Variants in DMXL2 observed in about 807,000 individuals in gnomAD.
The protein encoded by DMXL2 is Dmx like 2, also known as dmX-like protein 2.
A neutral mutation model predicts 331.1 loss-of-function variants in DMXL2; 103 were observed. The observed-to-expected ratio is 0.31, with a 90% CI of 0.27 to 0.37. The LOEUF is 0.37. DMXL2 is among the 10% of genes least tolerant of loss of function. The probability of loss-of-function intolerance (pLI) is 1.00; values close to 1 mark genes in which losing one functional copy is unlikely to be tolerated. For missense variants in DMXL2, 3,171 were observed against 3,642.9 expected (o/e 0.87, Z 3.33); for synonymous variants, 1,281 against 1,252.1 (o/e 1.02, Z -0.49).
At position 51,622,719 on chromosome 15, in the gene DMXL2, T is replaced by G. The variant is rs181268091; in HGVS notation, c.-174A>C. The G allele has an allele frequency of 4.6e-6, 6 of 1,292,316 alleles. No homozygotes were observed. The highest frequency in any genetic ancestry group is 6.1e-6 in the Non-Finnish European group (6 of 976,844). The allele number at this position is 1,292,316 out of a possible 1,614,324, so 80.1% of individuals were successfully genotyped here. ...CCTTCCCTCCGCCTCGTCCCTGCCA[T>G]GGGAGCTCCTCGACCGCCGCCGCCG... On this transcript the variant is annotated 5_prime_UTR_variant, in exon 1 of 44. It removes an upstream start codon present in the reference 5' UTR. Coordinates refer to ENST00000560891, the MANE Select transcript of DMXL2 (RefSeq NM_001378457.1).
Position 51,474,509 on chromosome 15 carries a change from C to T in DMXL2, c.7048G>A (p.Val2350Ile), listed in dbSNP as rs1049364072. 6.2e-6 allele frequency: 10 copies of T among 1,614,120 alleles called. No homozygotes were observed. Among genetic ancestry groups the T allele is most frequent in the Non-Finnish European group, 6.8e-6 (8 of 1,180,010 alleles). Residue 2350 changes from valine to isoleucine, a missense_variant, in exon 28 of 44, where the codon GTT becomes ATT. Around this residue, in one of 7 missense-constraint regions of DMXL2, gnomAD observed 766 missense variants for 940.5 expected, o/e 0.81. Transcript: ENST00000560891. ...ATCAATAAACTTAAGTAAACAGCAA[C>T]AACAGCTTCACATAGCAAAATGTTC... ...KLNILLCEAV[V>I]AVYLSLLIHA...
intron 20 of DMXL2, 118 bp downstream of exon 20, chr15:51,491,459 TC>T (rs1450819595): frequency 1.0e-6 from 1 of 989,208 alleles, no homozygotes; most frequent in Admixed American, 2.9e-5. Flanking sequence ...AAAAAAATTC[TC>T]AAGACCTCAA....
chr15:51,480,040 G>C lies in DMXL2; in HGVS notation c.6664C>G (p.Pro2222Ala). The C allele has an allele frequency of 6.2e-7, 1 of 1,603,258 alleles. No homozygotes were observed. Reference sequence around the variant, plus strand: ...ATGTGATTATTTAAGTACAATACAGGATTAGCTATGACTGTTTTTGTTGAC... The same window carrying C: ...ATGTGATTATTTAAGTACAATACAGCATTAGCTATGACTGTTTTTGTTGAC... Reference protein sequence around the residue: ...IASTKTVIANPVLYLNNHIHD... With the variant: ...IASTKTVIANAVLYLNNHIHD... The change falls in exon 25 of 44, where the codon CCT becomes GCT. Residue 2222 changes from proline (P) to alanine (A), a missense_variant. By Grantham distance (27) the Pro-to-Ala change is conservative. Around this residue, in one of 7 missense-constraint regions of DMXL2, gnomAD observed 197 missense variants for 196.2 expected, o/e 1.00. Transcript: ENST00000560891.
chr15:51,449,758 A>G (rs1252865716), intron 43 of DMXL2, among the ~76,000 whole-genome samples: 1 of 152,188 alleles, frequency 6.6e-6, no homozygotes, highest in Non-Finnish European at 1.5e-5. Context: ...CATCTGCACT[A>G]GCTCACTTAC....
At chr15:51,602,430 T>C (rs1459410673) in intron 1 of DMXL2, among the ~76,000 whole-genome samples, 1 of 152,142 alleles carries the variant, frequency 6.6e-6, no homozygotes, top group African/African-American at 2.4e-5. Flanking sequence ...TGGATCCACG[T>C]TGCTCTTTTT....
At chr15:51,546,514 A>T (rs1314532818) in intron 7 of DMXL2, among the ~76,000 whole-genome samples, 5 of 152,124 alleles carry the variant, frequency 3.3e-5, no homozygotes, top group African/African-American at 1.2e-4. Flanking sequence ...TATATTTAGT[A>T]GGTAAAATAA....
rs879135086 is a variant in DMXL2, at chr15:51,456,007, A to T, written c.8526+59T>A. The T allele has an allele frequency of 5.5e-5, 88 of 1,586,552 alleles. No individual in the cohort carries two copies. The South Asian group carries it at 6.4e-4, about 11-fold the overall frequency. On this transcript the variant is annotated intron_variant, in intron 39 of 43. Coordinates refer to ENST00000560891, the MANE Select transcript of DMXL2 (RefSeq NM_001378457.1). ...ATTTTTCGATGCACTTTTATCACTTACTCCTAAATATCCACAACTATTTTC... is the reference window on the plus strand; with the variant it reads ...ATTTTTCGATGCACTTTTATCACTTTCTCCTAAATATCCACAACTATTTTC...
At chr15:51,539,497 T>C (rs2048471439) in intron 9 of DMXL2, among the ~76,000 whole-genome samples, 1 of 152,102 alleles carries the variant, frequency 6.6e-6, no homozygotes, top group Admixed American at 6.5e-5. Context: ...ATTTATGAAA[T>C]TGATGAGTTC....
chr15:51,454,343 T>C (rs1412356384), intron 40 of DMXL2, among the ~76,000 whole-genome samples: 2 of 152,062 alleles, frequency 1.3e-5, no homozygotes, highest in Non-Finnish European at 1.5e-5. Flanking sequence ...CCCATGTTCC[T>C]TTCCCCCACC....
chr15:51,513,418 CTT>C (rs1391776490), intron 15 of DMXL2, among the ~76,000 whole-genome samples: 2 of 152,046 alleles, frequency 1.3e-5, no homozygotes, highest in Non-Finnish European at 2.9e-5. Context: ...TGAAATAAAA[CTT>C]AACATAATTG....
At chr15:51,466,943 A>G (rs1001971646) in intron 29 of DMXL2, among the ~76,000 whole-genome samples, 5 of 152,036 alleles carry the variant, frequency 3.3e-5, no homozygotes, top group Non-Finnish European at 7.4e-5. Context: ...AGAAAAATGT[A>G]GTCTAGATTG....
chr15:51,463,338 C>A, intron 33 of DMXL2, 41 bp downstream of exon 33: 1 of 1,259,354 alleles, frequency 7.9e-7, no homozygotes, highest in African/African-American at 1.5e-5. Context: ...TTAAAGAAAA[C>A]TAAAGAAAAA....
At chr15:51,621,118 A>G (rs2141475971) in intron 1 of DMXL2, among the ~76,000 whole-genome samples, 2 of 152,348 alleles carry the variant, frequency 1.3e-5, no homozygotes, top group Middle Eastern at 6.8e-3. Context: ...TTCTCCACAC[A>G]CTTGAAGACA....
intron 1 of DMXL2, chr15:51,603,623 T>C (rs1371287228): frequency 6.6e-6 from 1 of 152,038 alleles, no homozygotes; most frequent in Non-Finnish European, 1.5e-5. Flanking sequence ...TCCCAGCACT[T>C]TGGGAGGCCC....
At chr15:51,609,416 C>T (rs991217080) in intron 1 of DMXL2, among the ~76,000 whole-genome samples, 2 of 152,164 alleles carry the variant, frequency 1.3e-5, no homozygotes, top group African/African-American at 4.8e-5. Flanking sequence ...ACAACGGACC[C>T]GGTCTACAAT....
intron 1 of DMXL2, among the ~76,000 whole-genome samples, chr15:51,597,897 T>C (rs2052941641): frequency 6.6e-6 from 1 of 152,240 alleles, no homozygotes; most frequent in African/African-American, 2.4e-5. Flanking sequence ...TAATGAGCTA[T>C]GGCTCCTTTT....
Position 51,478,293 on chromosome 15 carries a change from A to C in DMXL2, c.6811T>G (p.Leu2271Val), listed in dbSNP as rs1013164915. 6.2e-7 allele frequency: 1 copy of C among 1,613,068 alleles called. No homozygotes were observed. The highest frequency in any genetic ancestry group is 1.7e-5 in the Admixed American group (1 of 59,976). Residue 2271 changes from leucine (L) to valine (V), a missense_variant, in exon 26 of 44, where the codon TTA becomes GTA. Physicochemically the swap from Leu to Val is conservative, Grantham distance 32 (BLOSUM62 1). Coordinates refer to ENST00000560891, the MANE Select transcript of DMXL2 (RefSeq NM_001378457.1). ...ASLSASIYQA[L>V]CDSHSYSSQT... Reference sequence around the variant, plus strand: ...TACCTGTAGCTATGACTGTCACATAATGCTTGGTAAATTGATGCAGAAAGT... The same window carrying C: ...TACCTGTAGCTATGACTGTCACATACTGCTTGGTAAATTGATGCAGAAAGT...
intron 14 of DMXL2, 104 bp from the exon 15 acceptor site, chr15:51,514,663 A>T (rs2046933771): frequency 1.4e-6 from 1 of 699,108 alleles, no homozygotes; most frequent in Admixed American, 2.7e-5. Context: ...AATATATCTA[A>T]CAATTTCTAT....
chr15:51,493,085 G>A (rs2042922342), intron 19 of DMXL2, among the ~76,000 whole-genome samples: 2 of 152,032 alleles, frequency 1.3e-5, no homozygotes, highest in South Asian at 4.1e-4. Context: ...TGTCTTGGCT[G>A]CCACTATAAA....
Sources: allele counts gnomAD v4.1 joint callset (sites outside exome capture counted in the v4.1 genomes callset), GRCh38; gene constraint gnomAD v4.1.1; regional missense constraint gnomAD v4.1.1; transcripts MANE v1.5; gene names NCBI Gene and HGNC (gene_info 2026-07-23, HGNC 2026-07-21).